TBXAS1: variants seen among roughly 807,000 people sequenced by gnomAD.
TBXAS1 encodes the protein thromboxane A synthase 1, also known as thromboxane-A synthase.
A neutral mutation model predicts 60.7 loss-of-function variants in TBXAS1; 48 were observed. The ratio of observed to expected loss-of-function variants is 0.79; its 90% CI spans 0.63 to 1.01. The LOEUF is 1.01. Ranked by LOEUF, TBXAS1 falls within the 50% of genes least tolerant of loss-of-function variation. The probability of loss-of-function intolerance (pLI) is 0.00; values close to 1 mark genes in which losing one functional copy is unlikely to be tolerated. For synonymous variants in TBXAS1, 287 were observed against 269.7 expected (o/e 1.06, Z -0.63); for missense variants, 685 against 686.3 (o/e 1.00, Z 0.02).
intron 4 of TBXAS1, among the ~76,000 whole-genome samples, chr7:139,815,713 G>C (rs1798129246): frequency 6.6e-6 from 1 of 152,188 alleles, no homozygotes; most frequent in South Asian, 2.1e-4. Context: ...TAGTTGGGTG[G>C]TGGTGAAGTG....
chr7:139,923,165 T>C (rs1806608120), intron 4 of TBXAS1, among the ~76,000 whole-genome samples: 2 of 151,934 alleles, frequency 1.3e-5, no homozygotes, highest in Non-Finnish European at 2.9e-5. Context: ...TAAACAAATA[T>C]ATATATATAT....
rs555654745 is a variant in TBXAS1, at chr7:139,970,387, G to A, written c.1134+8154G>A. On this transcript the variant is annotated intron_variant, in intron 9 of 12. Coordinates refer to ENST00000448866, the MANE Select transcript of TBXAS1 (RefSeq NM_001061.7). Reference sequence around the variant, plus strand: ...CTCCCAAAGTGCTGGGATTACAGGCGTGAGCCACCGTGCCCGGCCAAGGGT... The same window carrying A: ...CTCCCAAAGTGCTGGGATTACAGGCATGAGCCACCGTGCCCGGCCAAGGGT... 5.3e-4 allele frequency among the ~76,000 whole-genome samples: 81 copies of A among 152,290 alleles called. 4 individuals are homozygous for A. The highest frequency in any genetic ancestry group is 2.1e-3 in the South Asian group (10 of 4,826).
chr7:139,808,477 T>G (rs1353466074), intron 4 of TBXAS1, among the ~76,000 whole-genome samples: 1 of 152,138 alleles, frequency 6.6e-6, no homozygotes, highest in Non-Finnish European at 1.5e-5. Flanking sequence ...TTAATATAAT[T>G]TATTTAATTG....
chr7:139,942,499 C>T (rs2117237877), intron 5 of TBXAS1, among the ~76,000 whole-genome samples: 1 of 152,308 alleles, frequency 6.6e-6, no homozygotes, highest in Admixed American at 6.5e-5. Context: ...AGCTTCAAAC[C>T]TCATTAACCA....
intron 5 of TBXAS1, chr7:139,952,590 A>T: frequency 6.5e-7 from 1 of 1,537,322 alleles, no homozygotes. Context: ...AAAAGGTCAC[A>T]TGGGTGGCCA....
intron 3 of TBXAS1, among the ~76,000 whole-genome samples, chr7:139,889,386 G>A (rs1803379300): frequency 6.6e-6 from 1 of 152,098 alleles, no homozygotes; most frequent in Non-Finnish European, 1.5e-5. Context: ...AGTAAGAGAT[G>A]AGTCAACATT....
chr7:139,904,856 T>C (rs183638426), intron 3 of TBXAS1, among the ~76,000 whole-genome samples: 2 of 152,234 alleles, frequency 1.3e-5, no homozygotes, highest in African/African-American at 4.8e-5. Flanking sequence ...GGAGGAGTCC[T>C]TAGGGTTTTC....
At chr7:139,945,822 T>C (rs1357941561) in intron 5 of TBXAS1, among the ~76,000 whole-genome samples, 1 of 152,158 alleles carries the variant, frequency 6.6e-6, no homozygotes, top group Non-Finnish European at 1.5e-5. Context: ...GCCAGAGGGA[T>C]CAAGGTGTCT....
At chr7:139,940,846 A>T (rs1197163092) in intron 5 of TBXAS1, among the ~76,000 whole-genome samples, 3 of 152,228 alleles carry the variant, frequency 2.0e-5, no homozygotes, top group Non-Finnish European at 2.9e-5. Flanking sequence ...CAAAGAACCG[A>T]GAAGCTTTCT....
intron 5 of TBXAS1, among the ~76,000 whole-genome samples, chr7:139,943,787 A>C (rs1808474441): frequency 6.6e-6 from 1 of 152,208 alleles, no homozygotes; most frequent in Non-Finnish European, 1.5e-5. Flanking sequence ...GTAGTGGAAG[A>C]AGGAAGTGAT....
intron 4 of TBXAS1, among the ~76,000 whole-genome samples, chr7:139,815,340 C>T (rs1488292270): frequency 6.6e-5 from 10 of 152,116 alleles, no homozygotes; most frequent in Admixed American, 6.5e-4. Flanking sequence ...TAGCAATTTT[C>T]CAAGTTTCTA....
chr7:139,910,561 C>T (rs1164308628), intron 3 of TBXAS1, among the ~76,000 whole-genome samples: 4 of 152,236 alleles, frequency 2.6e-5, no homozygotes, highest in Non-Finnish European at 2.9e-5. Flanking sequence ...CGCTTGAACC[C>T]GGGAGGGGGA....
At chr7:139,865,860 G>GAGGA (rs1183910285) in intron 1 of TBXAS1, among the ~76,000 whole-genome samples, 8 of 108,964 alleles carry the variant, frequency 7.3e-5, no homozygotes, top group African/African-American at 1.9e-4. Context: ...AGGAGGGAGG[G>GAGGA]AGGAAGGAAG....
chr7:139,905,063 C>CTT, intron 3 of TBXAS1, among the ~76,000 whole-genome samples: 2 of 126,616 alleles, frequency 1.6e-5, no homozygotes, highest in Non-Finnish European at 3.3e-5. Context: ...TTCTTTCTCT[C>CTT]TCTCTCTCTC....
intron 3 of TBXAS1, among the ~76,000 whole-genome samples, chr7:139,910,737 T>A (rs577937762): frequency 1.2e-4 from 19 of 152,372 alleles, no homozygotes; most frequent in Admixed American, 1.1e-3. Context: ...TAATCTTTCC[T>A]CACAAGCATC....
At chr7:140,014,909 A>AG in intron 10 of TBXAS1, among the ~76,000 whole-genome samples, 1 of 81,886 alleles carries the variant, frequency 1.2e-5, no homozygotes, top group African/African-American at 6.2e-5. Flanking sequence ...ACCCTGTCTC[A>AG]AAAAAAAAGA....
intron 9 of TBXAS1, among the ~76,000 whole-genome samples, chr7:139,984,614 AAGAGAGAGAG>A (rs748137753): frequency 1.7e-4 from 11 of 65,618 alleles, no homozygotes; most frequent in South Asian, 6.2e-4. Flanking sequence ...ATAAGAAAGA[AAGAGAGAGAG>A]AGAGAGAGAG....
chr7:139,786,576 C>A (rs150629391), intron 3 of TBXAS1, among the ~76,000 whole-genome samples: 2 of 151,774 alleles, frequency 1.3e-5, no homozygotes, highest in Non-Finnish European at 2.9e-5. Context: ...TTCATATAAT[C>A]CTGAAGCTTT....
intron 4 of TBXAS1, among the ~76,000 whole-genome samples, chr7:139,819,313 C>T (rs75351396): frequency 0.099 from 15,044 of 152,104 alleles, 850 homozygotes; most frequent in Non-Finnish European, 0.13. Context: ...TTCCAGTGGA[C>T]GACAGGGTTA....
Sources: gnomAD v4.1 joint callset for allele counts (sites outside exome capture counted in the v4.1 genomes callset) on GRCh38, gnomAD v4.1.1 for gene constraint, MANE v1.5 for transcripts, NCBI Gene and HGNC (gene_info 2026-07-23, HGNC 2026-07-21) for gene names.